The following DNAH14 variants were observed in gnomAD, a reference collection of about 807,000 sequenced individuals.
The protein encoded by DNAH14 is axonemal beta dynein heavy chain 14.
Under a neutral mutation model 520.9 loss-of-function variants are expected in DNAH14, and 478 were observed. The observed-to-expected ratio is 0.92, with a 90% CI of 0.85 to 0.99. The LOEUF is 0.99. Ranked by LOEUF, DNAH14 falls within the 50% of genes least tolerant of loss-of-function variation. The pLI is 0.00. For synonymous variants in DNAH14, 1,581 were observed against 1,757.2 expected (o/e 0.90, Z 2.51); for missense variants, 4,831 against 5,234.5 (o/e 0.92, Z 2.38).
chr1:224,931,058 A>T (rs750962289), intron 1 of DNAH14, among the ~76,000 whole-genome samples: 1 of 152,206 alleles, frequency 6.6e-6, no homozygotes, highest in Non-Finnish European at 1.5e-5. Context: ...CCAGAGACCT[A>T]GTGGGACAAG....
intron 41 of DNAH14, among the ~76,000 whole-genome samples, chr1:225,223,030 ACCT>A (rs1411259908): frequency 6.6e-6 from 1 of 152,066 alleles, no homozygotes; most frequent in Non-Finnish European, 1.5e-5. Context: ...CTACCTTACC[ACCT>A]CCTCCTTCTC....
intron 54 of DNAH14, among the ~76,000 whole-genome samples, chr1:225,285,993 A>C (rs1160246714): frequency 6.6e-6 from 1 of 152,246 alleles, no homozygotes; most frequent in Non-Finnish European, 1.5e-5. Context: ...GTGCTGCAAT[A>C]AGTGGCAACA....
At chr1:225,288,138 G>A (rs2093789660) in intron 54 of DNAH14, among the ~76,000 whole-genome samples, 1 of 152,044 alleles carries the variant, frequency 6.6e-6, no homozygotes. Flanking sequence ...CATACAGGAA[G>A]GGGGAAAAAA....
rs139079665 is a variant in DNAH14, at chr1:225,232,280, T to TACACACACACACAC, written c.6518+1136_6518+1149dup. On this transcript the variant is annotated intron_variant, in intron 42 of 85. Coordinates refer to ENST00000682510, the MANE Select transcript of DNAH14 (RefSeq NM_001367479.1). The surrounding 1 kb of genome is among the most constrained non-coding windows in gnomAD (Gnocchi z 4.2). ...ATATATAAACTGTGATATATATATATACACACACACACACACACACGTGTA... is the reference window on the plus strand; with the variant it reads ...ATATATAAACTGTGATATATATATATACACACACACACACACACACACACACACACACACGTGTA... Among the ~76,000 whole-genome samples the TACACACACACACAC allele has an allele frequency of 6.7e-6, 1 of 149,482 alleles. No individual in the cohort carries two copies. Among genetic ancestry groups the TACACACACACACAC allele is most frequent in the African/African-American group, 2.5e-5 (1 of 40,666 alleles).
chr1:225,342,092 A>G (rs1444599685), intron 69 of DNAH14, among the ~76,000 whole-genome samples: 2 of 152,216 alleles, frequency 1.3e-5, no homozygotes. Context: ...TTCTGATTAC[A>G]TATTATTTGT....
At chr1:224,999,017 T>C (rs962584661) in intron 8 of DNAH14, among the ~76,000 whole-genome samples, 6 of 152,302 alleles carry the variant, frequency 3.9e-5, no homozygotes, top group Non-Finnish European at 7.4e-5. Context: ...TCAGTATTTC[T>C]GGTAGTTTTC....
intron 44 of DNAH14, among the ~76,000 whole-genome samples, chr1:225,252,787 A>AT (rs1390418669): frequency 1.3e-4 from 20 of 152,308 alleles, no homozygotes; most frequent in African/African-American, 4.8e-4. Flanking sequence ...ACTTACACTT[A>AT]ATTATAAATG....
chr1:224,970,946 T>C (rs1299092979), intron 7 of DNAH14, among the ~76,000 whole-genome samples: 2 of 152,216 alleles, frequency 1.3e-5, no homozygotes, highest in Non-Finnish European at 2.9e-5. Flanking sequence ...ACAATTATCC[T>C]GCACTCAAAT....
At chr1:225,219,619 A>T (rs35161574) in intron 41 of DNAH14, among the ~76,000 whole-genome samples, 19,437 of 152,170 alleles carry the variant, frequency 0.13, 1,402 homozygotes, top group East Asian at 0.31. Flanking sequence ...AAGAAGTTGA[A>T]TCCCTGAATA....
At chr1:225,252,068 G>A (rs1401597183) in intron 43 of DNAH14, among the ~76,000 whole-genome samples, 1 of 152,160 alleles carries the variant, frequency 6.6e-6, no homozygotes, top group African/African-American at 2.4e-5. Context: ...AGGAATATCA[G>A]ATCATACTTC....
At position 225,367,974 on chromosome 1, in the gene DNAH14, A is replaced by G. The variant is rs1340576496; in HGVS notation, c.12260A>G (p.Lys4087Arg). The part of the protein sequence containing the change: ...CFFNAVINER[K>R]NYGILGWNIA... ...TTCAATGCTGTAATCAATGAAAGAA[A>G]AAATTACGGAATATTGGGCTGGAAT... is the stretch of plus-strand genomic sequence containing the variant. Residue 4087 changes from lysine to arginine, a missense_variant, in exon 77 of 86, where the codon AAA becomes AGA. Coordinates refer to ENST00000682510, the MANE Select transcript of DNAH14 (RefSeq NM_001367479.1). 6.4e-7 allele frequency: 1 copy of G among 1,551,264 alleles called. No individual in the cohort carries two copies. Among genetic ancestry groups the G allele is most frequent in the African/African-American group, 1.4e-5 (1 of 73,056 alleles).
At chr1:225,060,287 T>G (rs1479101764) in intron 17 of DNAH14, among the ~76,000 whole-genome samples, 1 of 152,218 alleles carries the variant, frequency 6.6e-6, no homozygotes, top group South Asian at 2.1e-4. Context: ...CTGATACCCT[T>G]TCTTCCAGTT....
At chr1:225,073,921 T>TCCACC (rs2148510356) in intron 17 of DNAH14, among the ~76,000 whole-genome samples, 1 of 151,542 alleles carries the variant, frequency 6.6e-6, no homozygotes, top group Admixed American at 6.6e-5. Context: ...GACCTTGTGA[T>TCCACC]CCACCTGCCT....
At chr1:225,331,599 T>G in intron 65 of DNAH14, 22 bp downstream of exon 65, 1 of 1,551,154 alleles carries the variant, frequency 6.4e-7, no homozygotes. Context: ...TTTGGTCTTA[T>G]ATCTCGTCCA....
At chr1:225,389,977 C>A in intron 83 of DNAH14, 104 bp downstream of exon 83, 1 of 1,043,626 alleles carries the variant, frequency 9.6e-7, no homozygotes, top group Non-Finnish European at 1.4e-6. Flanking sequence ...ATGACAACAC[C>A]TGCGCCTCCA....
In DNAH14 at chr1:225,252,365, A is replaced by T; in HGVS notation, c.6813A>T (p.Glu2271Asp). The change falls in exon 44 of 86, where the codon GAA (glutamate) becomes GAT (aspartate). Residue 2271 changes from glutamate to aspartate, a missense_variant. Coordinates refer to ENST00000682510, the MANE Select transcript of DNAH14 (RefSeq NM_001367479.1). ...FGYFVDIEQC[E>D]FIPWSDLVPN... Reference sequence around the variant, plus strand: ...ATTTTGTGGATATAGAGCAATGTGAATTCATACCTTGGTCAGATTTAGTTC... The same window carrying T: ...ATTTTGTGGATATAGAGCAATGTGATTTCATACCTTGGTCAGATTTAGTTC... 3 of 1,549,948 alleles carry T rather than the reference A, an allele frequency of 1.9e-6. No homozygotes were observed. Among genetic ancestry groups the T allele is most frequent in the Non-Finnish European group, 2.6e-6 (3 of 1,145,954 alleles).
At chr1:225,220,171 G>A (rs12093596) in intron 41 of DNAH14, among the ~76,000 whole-genome samples, 14,288 of 152,002 alleles carry the variant, frequency 0.094, 1,149 homozygotes, top group African/African-American at 0.22. Context: ...AATAATAAGA[G>A]CTATTTATGA....
intron 36 of DNAH14, among the ~76,000 whole-genome samples, 187 bp downstream of exon 36, chr1:225,168,215 C>A (rs542092789): frequency 2.2e-4 from 34 of 152,258 alleles, no homozygotes; most frequent in African/African-American, 8.2e-4. Flanking sequence ...GGAACAGCTC[C>A]AGTCTACAGC....
At chr1:224,937,553 A>T (rs2489307) in intron 1 of DNAH14, among the ~76,000 whole-genome samples, 14,560 of 152,014 alleles carry the variant, frequency 0.096, 2,251 homozygotes, top group African/African-American at 0.33. Flanking sequence ...GTAATTGAAG[A>T]GGACACAATG....
Sources: allele counts gnomAD v4.1 joint callset (sites outside exome capture counted in the v4.1 genomes callset), GRCh38; gene constraint gnomAD v4.1.1; non-coding constraint Gnocchi (gnomAD v3.1); transcripts MANE v1.5; gene names NCBI Gene and HGNC (gene_info 2026-07-23, HGNC 2026-07-21).